The following CSMD1 variants were observed in gnomAD, a reference collection of about 807,000 sequenced individuals.
The protein encoded by CSMD1 is CUB and sushi domain-containing protein 1.
In CSMD1, 213 loss-of-function variants were observed where a neutral mutation model predicts 417.5. The ratio of observed to expected loss-of-function variants is 0.51; its 90% CI spans 0.46 to 0.57. CSMD1 has a LOEUF of 0.57. CSMD1 is among the 20% of genes least tolerant of loss of function. The pLI, the probability that CSMD1 is intolerant of heterozygous loss-of-function variation, is 0.00. For missense variants in CSMD1, 6,923 were observed against 4,529.7 expected (o/e 1.53, Z -15.17); for synonymous variants, 2,862 against 1,736.8 (o/e 1.65, Z -16.11).
At chr8:3,299,578 C>T (rs1245761496) in intron 25 of CSMD1, among the ~76,000 whole-genome samples, 2 of 152,002 alleles carry the variant, frequency 1.3e-5, no homozygotes, top group Non-Finnish European at 2.9e-5. Flanking sequence ...AAAAGCACGC[C>T]ACCATACAGC....
At chr8:3,824,370 T>G (rs904796529) in intron 5 of CSMD1, among the ~76,000 whole-genome samples, 16 of 152,116 alleles carry the variant, frequency 1.1e-4, no homozygotes, top group African/African-American at 3.9e-4. Flanking sequence ...ATGACGGCGA[T>G]TTCCCTCCCA....
At chr8:3,690,731 G>C (rs993606310) in intron 7 of CSMD1, among the ~76,000 whole-genome samples, 5 of 152,100 alleles carry the variant, frequency 3.3e-5, no homozygotes, top group South Asian at 2.1e-4. Flanking sequence ...GCCACAGTTT[G>C]TACTGAGATA....
At chr8:3,600,616 G>A (rs1228285847) in intron 8 of CSMD1, among the ~76,000 whole-genome samples, 3 of 152,112 alleles carry the variant, frequency 2.0e-5, no homozygotes, top group African/African-American at 4.8e-5. Flanking sequence ...TATTATTGCT[G>A]GTGGCAGTGG....
At chr8:4,347,617 T>A (rs965978164) in intron 3 of CSMD1, among the ~76,000 whole-genome samples, 10 of 152,134 alleles carry the variant, frequency 6.6e-5, no homozygotes, top group Admixed American at 3.9e-4. Context: ...CTGCTCTGAG[T>A]CTTCTAGTGC....
In CSMD1 at chr8:3,663,250, G is replaced by A. The variant is rs75627312; in HGVS notation, c.1009+45164C>T. Among the ~76,000 whole-genome samples the A allele has an allele frequency of 5.3e-5, 8 of 152,282 alleles. No individual in the cohort carries two copies. In the East Asian group the frequency reaches 1.5e-3, roughly 29 times the overall value. The stretch of plus-strand genomic sequence containing the variant: ...AAGAGTTGAAGAGGCCGTTCTCCAT[G>A]AAAGTGAGAGAGTGCTGATACTACT... On this transcript the variant is annotated intron_variant, in intron 7 of 69. Transcript: ENST00000635120.
At chr8:3,527,619 C>T (rs1238874986) in intron 10 of CSMD1, among the ~76,000 whole-genome samples, 1 of 151,984 alleles carries the variant, frequency 6.6e-6, no homozygotes. Context: ...TCTAAGAGTC[C>T]ATGAATCTGG....
intron 5 of CSMD1, among the ~76,000 whole-genome samples, chr8:3,903,150 C>T (rs1356224994): frequency 6.6e-6 from 1 of 152,120 alleles, no homozygotes; most frequent in Non-Finnish European, 1.5e-5. Context: ...CCTGTATGAG[C>T]TCTGCATTCC....
In CSMD1 at chr8:3,978,260, G is replaced by C. The variant is rs74690638; in HGVS notation, c.818+19643C>G. 7.7e-3 allele frequency among the ~76,000 whole-genome samples: 1,180 copies of C among 152,266 alleles called. 2 individuals are homozygous for C. The highest frequency in any genetic ancestry group is 0.015 in the South Asian group (70 of 4,818). The stretch of plus-strand genomic sequence containing the variant: ...TGGCAGCCTCCAGCAGAGGTGACCT[G>C]ACATGGGAGCCTCAGTCACCCCTGT... On this transcript the variant is annotated intron_variant, in intron 5 of 69. Transcript: ENST00000635120.
chr8:4,941,907 C>A (rs993811804), intron 1 of CSMD1, among the ~76,000 whole-genome samples: 2 of 152,130 alleles, frequency 1.3e-5, no homozygotes, highest in Non-Finnish European at 2.9e-5. Flanking sequence ...GCCCCATCAG[C>A]AATTTGATGA....
intron 5 of CSMD1, among the ~76,000 whole-genome samples, chr8:3,867,267 C>T (rs910602748): frequency 6.6e-6 from 1 of 152,184 alleles, no homozygotes; most frequent in African/African-American, 2.4e-5. Context: ...CAAGACCATA[C>T]CATTACATAT....
At chr8:3,811,304 C>G (rs559851577) in intron 5 of CSMD1, among the ~76,000 whole-genome samples, 1 of 152,288 alleles carries the variant, frequency 6.6e-6, no homozygotes, top group African/African-American at 2.4e-5. Flanking sequence ...AACTGCTAAC[C>G]TGCTATAACC....
At chr8:3,017,765 C>T (rs1212097896) in intron 52 of CSMD1, among the ~76,000 whole-genome samples, 1 of 121,502 alleles carries the variant, frequency 8.2e-6, no homozygotes, top group African/African-American at 3.2e-5. Flanking sequence ...CATGCAGATT[C>T]AGAAGCTTAA....
intron 4 of CSMD1, among the ~76,000 whole-genome samples, chr8:4,010,020 T>C (rs895612083): frequency 2.0e-5 from 3 of 152,204 alleles, no homozygotes; most frequent in African/African-American, 7.2e-5. Context: ...TGCTCCTGAA[T>C]GTCTCCTACT....
chr8:4,470,836 G>A (rs996957446), intron 2 of CSMD1, among the ~76,000 whole-genome samples: 3 of 152,072 alleles, frequency 2.0e-5, no homozygotes, highest in Non-Finnish European at 4.4e-5. Context: ...TGTTGTCTCT[G>A]GGCTTCTTTG....
At chr8:4,241,442 C>G (rs1802391605) in intron 3 of CSMD1, among the ~76,000 whole-genome samples, 1 of 152,186 alleles carries the variant, frequency 6.6e-6, no homozygotes, top group African/African-American at 2.4e-5. Context: ...TTTATTATCT[C>G]AGTCACTACA....
intron 2 of CSMD1, among the ~76,000 whole-genome samples, chr8:4,444,008 C>CA (rs1362697687): frequency 3.3e-5 from 5 of 151,976 alleles, no homozygotes; most frequent in African/African-American, 1.2e-4. Flanking sequence ...AGAATGGTGA[C>CA]ATGTTAAGGA....
intron 1 of CSMD1, among the ~76,000 whole-genome samples, chr8:4,967,489 C>T (rs148678189): frequency 6.6e-6 from 1 of 152,258 alleles, no homozygotes; most frequent in Admixed American, 6.5e-5. Context: ...GTTCTATGTA[C>T]ACACTCTCAT....
chr8:4,940,856 G>T (rs955170056), intron 1 of CSMD1, among the ~76,000 whole-genome samples: 1 of 152,090 alleles, frequency 6.6e-6, no homozygotes, highest in Admixed American at 6.5e-5. Flanking sequence ...TAGAGGTCAT[G>T]GTTAAAAATT....
At chr8:4,643,139 T>C (rs1697390949) in intron 1 of CSMD1, among the ~76,000 whole-genome samples, 1 of 152,202 alleles carries the variant, frequency 6.6e-6, no homozygotes, top group Non-Finnish European at 1.5e-5. Context: ...TCATTGGAGA[T>C]AAACATCAAA....
Sources: gnomAD v4.1 joint callset for allele counts (sites outside exome capture counted in the v4.1 genomes callset) on GRCh38, gnomAD v4.1.1 for gene constraint, MANE v1.5 for transcripts, NCBI Gene and HGNC (gene_info 2026-07-23, HGNC 2026-07-21) for gene names.